Variants in ARHGEF3 observed in about 807,000 individuals in gnomAD.
ARHGEF3 encodes the protein 59.8 kDA protein.
ARHGEF3 carries 28 observed loss-of-function variants against 63.2 expected under a neutral mutation model. That is an observed-to-expected ratio of 0.44 (90% CI 0.33 to 0.61). ARHGEF3 has a LOEUF of 0.61. Among genes scored for constraint, ARHGEF3 ranks in the 20% least tolerant of loss-of-function variants. ARHGEF3 has a pLI of 0.03. For synonymous variants in ARHGEF3, 266 were observed against 254.2 expected (o/e 1.05, Z -0.44); for missense variants, 533 against 659.3 (o/e 0.81, Z 2.10).
chr3:56,853,827 T>C (rs1454045474), intron 4 of ARHGEF3, among the ~76,000 whole-genome samples: 3 of 152,134 alleles, frequency 2.0e-5, no homozygotes, highest in Middle Eastern at 3.2e-3. Flanking sequence ...AGTAAGAACA[T>C]GGGCTCCTAT....
intron 1 of ARHGEF3, among the ~76,000 whole-genome samples, chr3:56,787,295 AGAGGGC>A (rs2036864624): frequency 6.6e-6 from 1 of 152,178 alleles, no homozygotes; most frequent in African/African-American, 2.4e-5. Flanking sequence ...AGGACTGTGC[AGAGGGC>A]CACTTGACCC....
intron 1 of ARHGEF3, among the ~76,000 whole-genome samples, chr3:57,038,996 C>G (rs753898388): frequency 8.5e-5 from 13 of 152,214 alleles, no homozygotes; most frequent in Non-Finnish European, 1.8e-4. Flanking sequence ...CCCACCACAT[C>G]CCTTGGTTAG....
intron 2 of ARHGEF3, among the ~76,000 whole-genome samples, chr3:57,014,180 CCACGAA>C (rs775705202): frequency 9.2e-5 from 14 of 152,148 alleles, no homozygotes; most frequent in Admixed American, 5.9e-4. Flanking sequence ...GCCAGCAAGA[CCACGAA>C]CCCACCAGAA....
chr3:56,867,924 T>C (rs2040309289), intron 4 of ARHGEF3, among the ~76,000 whole-genome samples: 2 of 152,318 alleles, frequency 1.3e-5, no homozygotes, highest in Admixed American at 6.5e-5. Flanking sequence ...GTGATAATGG[T>C]GTGATTCTGG....
intron 3 of ARHGEF3, among the ~76,000 whole-genome samples, chr3:56,935,241 C>G (rs1251346138): frequency 2.0e-5 from 3 of 152,102 alleles, no homozygotes; most frequent in African/African-American, 7.2e-5. Context: ...ACCTTTGTGT[C>G]CACACTCTGT....
At chr3:56,778,123 T>C (rs2036371917) in intron 1 of ARHGEF3, among the ~76,000 whole-genome samples, 1 of 152,190 alleles carries the variant, frequency 6.6e-6, no homozygotes, top group South Asian at 2.1e-4. Context: ...TTACAGTGAC[T>C]GAGAAACTCT....
In ARHGEF3 at chr3:56,751,042, G is replaced by C. The variant is rs1578410664; in HGVS notation, c.612+14C>G. The C allele has an allele frequency of 6.2e-7, 1 of 1,607,590 alleles. No individual in the cohort carries two copies. On this transcript the variant is annotated intron_variant, in intron 6 of 9. Transcript: ENST00000296315. ...TGAAATTTATCTTCAATAAAGACCA[G>C]AGAACTTTCTTACCCAGCCCACGAG...
chr3:56,847,609 AT>A (rs1374517002), intron 4 of ARHGEF3, among the ~76,000 whole-genome samples: 1 of 152,174 alleles, frequency 6.6e-6, no homozygotes. Context: ...CAGAGTCTCA[AT>A]CTTGTAGCCC....
chr3:56,783,079 GGAGGACAGTT>G (rs2036634614), intron 1 of ARHGEF3, among the ~76,000 whole-genome samples: 1 of 152,168 alleles, frequency 6.6e-6, no homozygotes, highest in Non-Finnish European at 1.5e-5. Flanking sequence ...AGAGGTATAA[GGAGGACAGTT>G]GGCAGTTGGC....
At chr3:56,867,150 C>G (rs1347058861) in intron 4 of ARHGEF3, among the ~76,000 whole-genome samples, 3 of 152,128 alleles carry the variant, frequency 2.0e-5, no homozygotes. Context: ...AAGACATGTT[C>G]TTAAAATGTT....
intron 4 of ARHGEF3, among the ~76,000 whole-genome samples, chr3:56,843,528 A>C (rs970759029): frequency 6.6e-6 from 1 of 152,152 alleles, no homozygotes; most frequent in Non-Finnish European, 1.5e-5. Flanking sequence ...TGGCCTCCCA[A>C]AGTGCTAGGA....
At chr3:56,844,361 T>C (rs6445828) in intron 4 of ARHGEF3, among the ~76,000 whole-genome samples, 152,172 of 152,348 alleles carry the variant, frequency 1, 75,999 homozygotes, top group Middle Eastern at 1. Context: ...TATGACTTAT[T>C]GTTAAACTAA....
intron 1 of ARHGEF3, among the ~76,000 whole-genome samples, chr3:57,067,265 C>T (rs1220845371): frequency 6.6e-6 from 1 of 151,672 alleles, no homozygotes; most frequent in African/African-American, 2.4e-5. Context: ...TCCTGGCTAA[C>T]ACGGTGAAAC....
chr3:56,916,324 G>A, intron 3 of ARHGEF3: 1 of 1,535,518 alleles, frequency 6.5e-7, no homozygotes, highest in Non-Finnish European at 8.7e-7. Context: ...AACGGACAAA[G>A]AGGCAGCACC....
At chr3:56,838,750 C>A (rs1183462957) in intron 4 of ARHGEF3, among the ~76,000 whole-genome samples, 2 of 149,816 alleles carry the variant, frequency 1.3e-5, no homozygotes, top group Non-Finnish European at 3.0e-5. Context: ...GACCAAACAG[C>A]CCTAAAATAC....
rs1331309993 is a variant in ARHGEF3 at position 57,002,797 on chromosome 3, C to T, written c.62+32291G>A. On this transcript the variant is annotated intron_variant, in intron 2 of 12. Transcript: ENST00000338458. ...CTTTTCTTTTTTTTTTTTTTTGAGA[C>T]AGAGTCTTGCTCTGTCACCAGGCTG... Among the ~76,000 whole-genome samples, 3 of 139,488 alleles carry T rather than the reference C, an allele frequency of 2.2e-5. No individual in the cohort carries two copies. In the East Asian group the frequency reaches 6.3e-4, roughly 29 times the overall value. The allele number at this position is 139,488 out of a possible 152,430, so 91.5% of individuals were successfully genotyped here. A position where few individuals can be genotyped will look rare whatever the true frequency, so the allele number is the denominator to read the frequency against.
At chr3:57,042,277 C>T (rs1166078370) in intron 1 of ARHGEF3, among the ~76,000 whole-genome samples, 1 of 152,046 alleles carries the variant, frequency 6.6e-6, no homozygotes, top group Admixed American at 6.6e-5. Context: ...GTAGAATATG[C>T]AACAGCTAAA....
At chr3:57,075,947 T>C (rs1706200839) in intron 1 of ARHGEF3, among the ~76,000 whole-genome samples, 1 of 152,238 alleles carries the variant, frequency 6.6e-6, no homozygotes, top group East Asian at 1.9e-4. Context: ...ATGCTGATAC[T>C]ATCCCATGAA....
At chr3:56,889,479 G>A (rs1006523293) in intron 3 of ARHGEF3, among the ~76,000 whole-genome samples, 1 of 152,290 alleles carries the variant, frequency 6.6e-6, no homozygotes, top group South Asian at 2.1e-4. Context: ...CAAGGACTAT[G>A]CTCTCAGTTT....
Sources: gnomAD v4.1 joint callset for allele counts (sites outside exome capture counted in the v4.1 genomes callset) on GRCh38, gnomAD v4.1.1 for gene constraint, MANE v1.5 for transcripts, NCBI Gene and HGNC (gene_info 2026-07-23, HGNC 2026-07-21) for gene names.